The following SYT1 variants were observed in gnomAD, a reference collection of about 807,000 sequenced individuals.
SYT1 encodes the protein synaptotagmin-1.
SYT1 carries 8 observed loss-of-function variants against 44.8 expected under a neutral mutation model. The ratio of observed to expected loss-of-function variants is 0.18; its 90% CI spans 0.10 to 0.32. The LOEUF (loss-of-function observed/expected upper bound fraction) is 0.32, where lower values mean the gene tolerates loss of function less well. Among genes scored for constraint, SYT1 ranks in the 10% least tolerant of loss-of-function variants. SYT1 has a pLI of 1.00. For missense variants in SYT1, 286 were observed against 509.3 expected (o/e 0.56, Z 4.22); for synonymous variants, 154 against 188.8 (o/e 0.82, Z 1.51).
intron 4 of SYT1, among the ~76,000 whole-genome samples, chr12:79,219,542 T>C (rs933878360): frequency 6.6e-6 from 1 of 152,106 alleles, no homozygotes; most frequent in Admixed American, 6.6e-5. Flanking sequence ...AGATAGAGTA[T>C]AGTTTCATTC....
rs182069374 is a variant in SYT1 at position 79,274,355 on chromosome 12, T to A, written c.167-11432T>A. ...CTGAGATTCCGCTGGCAGTTACAGC[T>A]TTCTTCTGCTGAAGTCTGCAGGTGT... is the stretch of plus-strand genomic sequence containing the variant. On this transcript the variant is annotated intron_variant, in intron 4 of 10. Transcript: ENST00000261205. Among the ~76,000 whole-genome samples the A allele has an allele frequency of 2.8e-3, 425 of 152,298 alleles. 2 individuals are homozygous for A. The highest frequency in any genetic ancestry group is 4.6e-3 in the Admixed American group (70 of 15,308).
chr12:79,335,449 G>C (rs1882049035), intron 8 of SYT1, among the ~76,000 whole-genome samples: 2 of 150,326 alleles, frequency 1.3e-5, no homozygotes, highest in African/African-American at 4.9e-5. Flanking sequence ...TCAAACACAG[G>C]TCCGTGTTTG....
intron 3 of SYT1, among the ~76,000 whole-genome samples, chr12:79,212,116 A>G (rs1918194): frequency 0.77 from 117,339 of 152,072 alleles, 46,392 homozygotes; most frequent in African/African-American, 0.95. Context: ...CAACCAAAAT[A>G]CCCATCAATG....
chr12:79,342,474 G>T (rs79948521), intron 8 of SYT1, among the ~76,000 whole-genome samples: 1 of 152,118 alleles, frequency 6.6e-6, no homozygotes, highest in Admixed American at 6.5e-5. Flanking sequence ...CAAGCTATTC[G>T]CCCTCCTTGG....
chr12:79,280,803 G>A (rs1159003834), intron 4 of SYT1, among the ~76,000 whole-genome samples: 1 of 150,900 alleles, frequency 6.6e-6, no homozygotes, highest in Non-Finnish European at 1.5e-5. Context: ...AAATCAGCAA[G>A]AAAAAAAGAT....
At chr12:79,329,316 T>C (rs538350500) in intron 8 of SYT1, among the ~76,000 whole-genome samples, 1 of 152,298 alleles carries the variant, frequency 6.6e-6, no homozygotes, top group South Asian at 2.1e-4. Context: ...AAGAAAAACC[T>C]GGTAAGAGAG....
chr12:79,194,247 G>T (rs1873304884), intron 3 of SYT1, among the ~76,000 whole-genome samples: 1 of 152,030 alleles, frequency 6.6e-6, no homozygotes, highest in Admixed American at 6.6e-5. Context: ...TAATAGGCTT[G>T]ATTTAAGAGC....
At chr12:79,187,681 T>A (rs1434307493) in intron 3 of SYT1, among the ~76,000 whole-genome samples, 1 of 152,106 alleles carries the variant, frequency 6.6e-6, no homozygotes, top group Non-Finnish European at 1.5e-5. Context: ...TAGAAATAGC[T>A]TTATCACTAT....
chr12:78,887,397 G>C (rs1874809049), intron 1 of SYT1, among the ~76,000 whole-genome samples: 1 of 151,934 alleles, frequency 6.6e-6, no homozygotes, highest in South Asian at 2.1e-4. Flanking sequence ...ATATGCCAAA[G>C]AGAAGCCATA....
intron 4 of SYT1, among the ~76,000 whole-genome samples, chr12:79,284,028 T>G (rs546776873): frequency 3.3e-5 from 5 of 152,228 alleles, no homozygotes; most frequent in African/African-American, 1.2e-4. Context: ...TATTCCTGAC[T>G]GGTGTTCAGC....
At chr12:79,349,879 A>ACTCTAATTTATATGAACT (rs1226901124) in intron 8 of SYT1, among the ~76,000 whole-genome samples, 3 of 152,188 alleles carry the variant, frequency 2.0e-5, no homozygotes, top group African/African-American at 7.2e-5. Flanking sequence ...TTGATGTAAA[A>ACTCTAATTTATATGAACT]CTGTTCATAT....
At chr12:79,251,563 A>G (rs1287554805) in intron 4 of SYT1, among the ~76,000 whole-genome samples, 6 of 152,198 alleles carry the variant, frequency 3.9e-5, no homozygotes, top group South Asian at 2.1e-4. Context: ...TTGCACTTCT[A>G]TGGATAACCA....
At chr12:79,047,813 T>A (rs896578348) in intron 3 of SYT1, among the ~76,000 whole-genome samples, 2 of 151,230 alleles carry the variant, frequency 1.3e-5, no homozygotes, top group Non-Finnish European at 3.0e-5. Flanking sequence ...ATCTGCAGGC[T>A]TAAAATCTAC....
At chr12:78,926,343 C>T (rs1204617759) in intron 1 of SYT1, among the ~76,000 whole-genome samples, 6 of 152,002 alleles carry the variant, frequency 3.9e-5, no homozygotes, top group African/African-American at 9.7e-5. Flanking sequence ...CTCATGAAGT[C>T]TTCTGTGCAT....
In SYT1 at chr12:79,338,778, G is replaced by A. The variant is rs547340120; in HGVS notation, c.811-14724G>A. Among the ~76,000 whole-genome samples, 6 of 150,844 alleles carry A rather than the reference G, an allele frequency of 4.0e-5. No individual in the cohort carries two copies. The South Asian group carries it at 8.4e-4, about 21-fold the overall frequency. ...GTTGGTTTGCCGCACCCATTAACTC[G>A]TCATTTACATTAGGTATTTCTCCTA... On this transcript the variant is annotated intron_variant, in intron 8 of 10. Coordinates refer to ENST00000261205, the MANE Select transcript of SYT1 (RefSeq NM_005639.3).
At chr12:79,012,024 C>T (rs1385282652) in intron 2 of SYT1, among the ~76,000 whole-genome samples, 1 of 150,282 alleles carries the variant, frequency 6.7e-6, no homozygotes. Context: ...CCCAGCTACT[C>T]GGGAGGCTGA....
At chr12:79,263,984 A>G (rs1311357124) in intron 4 of SYT1, among the ~76,000 whole-genome samples, 3 of 152,032 alleles carry the variant, frequency 2.0e-5, no homozygotes, top group Admixed American at 6.6e-5. Flanking sequence ...TTTAAATTCT[A>G]TTGTCTTTGA....
chr12:79,232,787 C>T (rs1003378865), intron 4 of SYT1, among the ~76,000 whole-genome samples: 2 of 152,140 alleles, frequency 1.3e-5, no homozygotes, highest in South Asian at 4.1e-4. Flanking sequence ...TTATTATTCT[C>T]CTTTAGCTCA....
chr12:79,005,076 A>C (rs1316614840), intron 2 of SYT1, among the ~76,000 whole-genome samples: 2 of 151,986 alleles, frequency 1.3e-5, no homozygotes, highest in Non-Finnish European at 2.9e-5. Context: ...TTCCTTTAGC[A>C]CTTTCAGTCC....
Sources: gnomAD v4.1 joint callset for allele counts (sites outside exome capture counted in the v4.1 genomes callset) on GRCh38, gnomAD v4.1.1 for gene constraint, MANE v1.5 for transcripts, NCBI Gene and HGNC (gene_info 2026-07-23, HGNC 2026-07-21) for gene names.